Variants in TMEM87A observed in about 807,000 individuals in gnomAD.
TMEM87A encodes transmembrane protein 87A.
In TMEM87A, 50 loss-of-function variants were observed where a neutral mutation model predicts 90.0. That is an observed-to-expected ratio of 0.56 (90% CI 0.44 to 0.70). The LOEUF is 0.70. Among genes scored for constraint, TMEM87A ranks in the 30% least tolerant of loss-of-function variants. The pLI is 0.00. For synonymous variants in TMEM87A, 226 were observed against 226.7 expected, an observed-to-expected ratio of 1.00 and a Z score of 0.03; for missense variants, 577 against 660.5, an observed-to-expected ratio of 0.87 and a Z score of 1.39.
In TMEM87A at chr15:42,220,818, G is replaced by A. The variant is rs1368315591; in HGVS notation, c.1404-683C>T. ...TTATTTATTTATTTTTTGAGACGGA[G>A]TCTCGCTCTGTCGCCCAGGCTGGAG... On this transcript the variant is annotated intron_variant, in intron 15 of 19. Transcript: ENST00000389834. Among the ~76,000 whole-genome samples, 4 of 152,142 alleles carry A rather than the reference G, an allele frequency of 2.6e-5. No individual in the cohort carries two copies. The East Asian group carries it at 5.8e-4, about 22-fold the overall frequency.
chr15:42,236,278 A>G, intron 10 of TMEM87A, 42 bp downstream of exon 10: 1 of 1,506,572 alleles, frequency 6.6e-7, no homozygotes, highest in South Asian at 1.1e-5. Context: ...TAATTTAATC[A>G]GCATTTTAAT....
chr15:42,266,235 G>T (rs1356547258), intron 3 of TMEM87A, among the ~76,000 whole-genome samples: 1 of 152,198 alleles, frequency 6.6e-6, no homozygotes, highest in African/African-American at 2.4e-5. Flanking sequence ...TATTTTCATG[G>T]CTGGGCACAA....
intron 8 of TMEM87A, 43 bp downstream of exon 8, chr15:42,239,627 A>G (rs746194270): frequency 2.0e-6 from 3 of 1,531,698 alleles, no homozygotes; most frequent in East Asian, 2.2e-5. Context: ...CTTTGAACCC[A>G]AAACCATCCA....
intron 6 of TMEM87A, among the ~76,000 whole-genome samples, chr15:42,255,158 A>G (rs555261572): frequency 6.6e-6 from 1 of 150,966 alleles, no homozygotes; most frequent in South Asian, 2.1e-4. Flanking sequence ...TTTAAGACGG[A>G]GTTTTGCTCT....
intron 2 of TMEM87A, 76 bp downstream of exon 2, chr15:42,271,987 T>C (rs1039874264): frequency 1.5e-5 from 18 of 1,205,876 alleles, no homozygotes; most frequent in Non-Finnish European, 1.7e-5. Context: ...TCAGAACTTA[T>C]AAAATAGGTA....
At chr15:42,220,010 T>C (rs1566921948) in intron 16 of TMEM87A, 52 bp downstream of exon 16, 6 of 1,464,742 alleles carry the variant, frequency 4.1e-6, no homozygotes, top group Non-Finnish European at 4.7e-6. Context: ...AACAATGTAC[T>C]TACAGAAAAA....
chr15:42,271,642 C>T (rs187850495), intron 2 of TMEM87A: 1 of 154,312 alleles, frequency 6.5e-6, no homozygotes, highest in Non-Finnish European at 1.4e-5. Flanking sequence ...ACCATACAAA[C>T]TAGGCGTGTA....
rs1394743254 is a variant in TMEM87A at position 42,247,914 on chromosome 15, A to G, written c.505-3747T>C. 3.3e-5 allele frequency among the ~76,000 whole-genome samples: 5 copies of G among 152,282 alleles called. No individual in the cohort carries two copies. In the East Asian group the frequency reaches 9.7e-4, roughly 29 times the overall value. On this transcript the variant is annotated intron_variant, in intron 6 of 19. Coordinates refer to ENST00000389834, the MANE Select transcript of TMEM87A (RefSeq NM_015497.5). ...TTCACAATATTGATTCTTCCTATCC[A>G]TGAGCATGGAATGTTCTTCCATTTG...
At chr15:42,265,858 A>C (rs983408195) in intron 3 of TMEM87A, among the ~76,000 whole-genome samples, 1 of 152,136 alleles carries the variant, frequency 6.6e-6, no homozygotes, top group Non-Finnish European at 1.5e-5. Flanking sequence ...TTTTACATTT[A>C]AGTCTTTAAT....
intron 15 of TMEM87A, among the ~76,000 whole-genome samples, chr15:42,225,945 C>A (rs2050583718): frequency 6.6e-6 from 1 of 152,124 alleles, no homozygotes; most frequent in Non-Finnish European, 1.5e-5. Flanking sequence ...TTTGCAGCAA[C>A]CCTATGTCAA....
chr15:42,216,340 C>T (rs917405209), intron 19 of TMEM87A, among the ~76,000 whole-genome samples: 3 of 152,146 alleles, frequency 2.0e-5, no homozygotes, highest in East Asian at 1.9e-4. Context: ...AATACTGTAA[C>T]GTACACTAAA....
At chr15:42,270,777 T>C (rs1219639759) in intron 2 of TMEM87A, among the ~76,000 whole-genome samples, 1 of 152,172 alleles carries the variant, frequency 6.6e-6, no homozygotes, top group African/African-American at 2.4e-5. Flanking sequence ...GTAGATTTGA[T>C]CTAAATCAAA....
chr15:42,226,219 C>T (rs2050588916), intron 15 of TMEM87A, among the ~76,000 whole-genome samples: 1 of 151,850 alleles, frequency 6.6e-6, no homozygotes, highest in Non-Finnish European at 1.5e-5. Context: ...AGGCTGGTCT[C>T]GAACTCCTGA....
Position 42,227,753 on chromosome 15 carries a change from G to C in TMEM87A, c.1257C>G (p.Ile419Met), listed in dbSNP as rs1438027424. 1 of 1,613,896 alleles carries C rather than the reference G, an allele frequency of 6.2e-7. No individual in the cohort carries two copies. The highest frequency in any genetic ancestry group is 8.5e-7 in the Non-Finnish European group (1 of 1,179,902). The stretch of plus-strand genomic sequence containing the variant: ...TTCTGAACTTCATGGTTGTCCAGAT[G>C]ATAAACACAATGGATGCTAACAGTA... ...ILAVAASIVF[I>M]IWTTMKFRIV... is the part of the protein sequence containing the mutation. The change falls in exon 14 of 20, where the codon ATC (isoleucine) becomes ATG (methionine). Residue 419 changes from isoleucine to methionine, a missense_variant. Ile to Met is a conservative substitution (Grantham distance 10). Coordinates refer to ENST00000389834, the MANE Select transcript of TMEM87A (RefSeq NM_015497.5).
chr15:42,227,620 G>T, intron 14 of TMEM87A, 91 bp downstream of exon 14: 3 of 1,147,310 alleles, frequency 2.6e-6, no homozygotes, highest in Non-Finnish European at 3.9e-6. Context: ...TTTTTATAAG[G>T]TATATAACTT....
intron 12 of TMEM87A, among the ~76,000 whole-genome samples, chr15:42,229,388 A>G (rs1431316838): frequency 6.6e-6 from 1 of 152,112 alleles, no homozygotes; most frequent in African/African-American, 2.4e-5. Context: ...GAGAAAAAAT[A>G]TAAAAAAGAG....
intron 3 of TMEM87A, among the ~76,000 whole-genome samples, chr15:42,267,446 A>C (rs549478640): frequency 6.6e-5 from 10 of 152,294 alleles, no homozygotes; most frequent in African/African-American, 2.4e-4. Flanking sequence ...CCTTTTCCCA[A>C]CTATATATCT....
intron 12 of TMEM87A, among the ~76,000 whole-genome samples, chr15:42,229,911 C>T (rs545846003): frequency 2.0e-5 from 3 of 152,266 alleles, no homozygotes. Flanking sequence ...CTGCAACCTC[C>T]GCTTCCAGGG....
intron 6 of TMEM87A, among the ~76,000 whole-genome samples, chr15:42,260,293 G>T (rs1358997933): frequency 6.6e-6 from 1 of 152,172 alleles, no homozygotes; most frequent in Non-Finnish European, 1.5e-5. Flanking sequence ...AGGATCACTT[G>T]AGCCCAAGAC....
Sources: gnomAD v4.1 joint callset for allele counts (sites outside exome capture counted in the v4.1 genomes callset) on GRCh38, gnomAD v4.1.1 for gene constraint, MANE v1.5 for transcripts, NCBI Gene and HGNC (gene_info 2026-07-23, HGNC 2026-07-21) for gene names.